The following GNA14 variants were observed in gnomAD, a reference collection of about 807,000 sequenced individuals.
The protein encoded by GNA14 is G protein subunit alpha 14, also known as guanine nucleotide-binding protein subunit alpha-14.
In GNA14, 50 loss-of-function variants were observed where a neutral mutation model predicts 42.0. That is an observed-to-expected ratio of 1.19 (90% CI 0.95 to 1.51). The LOEUF (loss-of-function observed/expected upper bound fraction) is 1.51. Among genes scored for constraint, GNA14 ranks in the 40% most tolerant of loss-of-function variants. The probability of loss-of-function intolerance (pLI) is 0.00; values close to 1 mark genes in which losing one functional copy is unlikely to be tolerated. For synonymous variants in GNA14, 173 were observed against 163.1 expected (o/e 1.06, Z -0.46); for missense variants, 473 against 446.2 (o/e 1.06, Z -0.54).
rs550294968 is a variant in GNA14 at position 77,431,206 on chromosome 9, G to T, written c.593+115C>A. On this transcript the variant is annotated intron_variant, in intron 4 of 6. Transcript: ENST00000341700. ...ATTCTAAATACCCTTGGCAGAGAGG[G>T]TCACTCTGTCCTAAGAGATATAATC... 5.4e-4 allele frequency: 492 copies of T among 914,308 alleles called. 1 individual carries two copies. The highest frequency in any genetic ancestry group is 7.2e-4 in the Non-Finnish European group (439 of 605,622). 56.6% of individuals were successfully genotyped at this position (914,308 alleles called of 1,614,324 possible).
chr9:77,555,641 C>T (rs2131784954), intron 1 of GNA14, among the ~76,000 whole-genome samples: 1 of 152,272 alleles, frequency 6.6e-6, no homozygotes, highest in South Asian at 2.1e-4. Context: ...AACTTTCCTG[C>T]AGGTTTAAAA....
chr9:77,570,085 C>T (rs2440228), intron 1 of GNA14, among the ~76,000 whole-genome samples: 102,578 of 151,972 alleles, frequency 0.67, 34,911 homozygotes, highest in East Asian at 0.84. Context: ...AAAATGTCCA[C>T]ACATTTTAGG....
chr9:77,632,920 C>T (rs949313986), intron 1 of GNA14, among the ~76,000 whole-genome samples: 2 of 152,170 alleles, frequency 1.3e-5, no homozygotes, highest in Non-Finnish European at 2.9e-5. Flanking sequence ...GTGAGCAAAA[C>T]AAGCTCAATG....
At chr9:77,471,904 T>C (rs1836336899) in intron 2 of GNA14, among the ~76,000 whole-genome samples, 1 of 152,176 alleles carries the variant, frequency 6.6e-6, no homozygotes, top group Admixed American at 6.5e-5. Context: ...TAAACAAATA[T>C]ACAAAAGATA....
chr9:77,438,767 C>T (rs956309605), intron 2 of GNA14, among the ~76,000 whole-genome samples: 9 of 147,300 alleles, frequency 6.1e-5, no homozygotes, highest in African/African-American at 2.3e-4. Flanking sequence ...TGTGGGCCAA[C>T]ACACACAGTT....
intron 1 of GNA14, among the ~76,000 whole-genome samples, chr9:77,641,358 C>A (rs931050632): frequency 6.6e-6 from 1 of 151,554 alleles, no homozygotes; most frequent in Non-Finnish European, 1.5e-5. Flanking sequence ...TGTCTCTCCA[C>A]AAAATTATGA....
intron 1 of GNA14, among the ~76,000 whole-genome samples, chr9:77,552,558 TC>T (rs1288930783): frequency 6.6e-6 from 1 of 152,176 alleles, no homozygotes; most frequent in Non-Finnish European, 1.5e-5. Context: ...ACAATTGCAT[TC>T]TGCTCTTTTA....
chr9:77,465,800 T>C (rs935928664), intron 2 of GNA14, among the ~76,000 whole-genome samples: 2 of 151,978 alleles, frequency 1.3e-5, no homozygotes, highest in Admixed American at 1.3e-4. Context: ...ACAGACGGGG[T>C]CTTGCCGTGT....
chr9:77,489,137 G>A (rs576728177), intron 2 of GNA14, among the ~76,000 whole-genome samples: 2 of 151,966 alleles, frequency 1.3e-5, no homozygotes, highest in Non-Finnish European at 2.9e-5. Flanking sequence ...AGAACTGAAA[G>A]ACTCATTAAA....
At chr9:77,608,522 T>A (rs559148566) in intron 1 of GNA14, among the ~76,000 whole-genome samples, 1 of 152,246 alleles carries the variant, frequency 6.6e-6, no homozygotes, top group Admixed American at 6.5e-5. Context: ...GGCAGAGGCA[T>A]CCTGGCCAGC....
chr9:77,428,179 C>T (rs1261757001), intron 5 of GNA14, among the ~76,000 whole-genome samples: 4 of 150,412 alleles, frequency 2.7e-5, no homozygotes, highest in South Asian at 4.2e-4. Flanking sequence ...CCCGGGTTCA[C>T]GCCATTCTCC....
At chr9:77,539,960 T>C (rs566371701) in intron 1 of GNA14, among the ~76,000 whole-genome samples, 5 of 152,312 alleles carry the variant, frequency 3.3e-5, no homozygotes, top group African/African-American at 1.2e-4. Flanking sequence ...CATTGATCTT[T>C]TGTACTTTTT....
chr9:77,428,955 C>A lies in GNA14; in HGVS notation c.675G>T (p.Leu225Phe), dbSNP rs1289251576. 2 of 1,613,880 alleles carry A rather than the reference C, an allele frequency of 1.2e-6. No homozygotes were observed. Among genetic ancestry groups the A allele is most frequent in the Non-Finnish European group, 1.7e-6 (2 of 1,179,930 alleles). The change falls in exon 5 of 7, where the codon TTG becomes TTT. Residue 225 changes from leucine (L) to phenylalanine (F), a missense_variant. Transcript: ENST00000341700. Reference sequence around the variant, plus strand: ...CCTGGTCATATTCACTCAGAGCAACCAAGAAAATAATGGAGGTGACACTCT... The same window carrying A: ...CCTGGTCATATTCACTCAGAGCAACAAAGAAAATAATGGAGGTGACACTCT... Reference protein sequence around the residue: ...CFESVTSIIFLVALSEYDQVL... With the variant: ...CFESVTSIIFFVALSEYDQVL...
chr9:77,452,998 C>A (rs993264449), intron 2 of GNA14, among the ~76,000 whole-genome samples: 1 of 151,780 alleles, frequency 6.6e-6, no homozygotes, highest in African/African-American at 2.4e-5. Context: ...AAGTAACCAG[C>A]CGGGTGGTGT....
intron 1 of GNA14, among the ~76,000 whole-genome samples, chr9:77,632,382 A>T (rs2118008806): frequency 6.6e-6 from 1 of 152,204 alleles, no homozygotes; most frequent in South Asian, 2.1e-4. Context: ...AGTCCCATGG[A>T]CCAGAGTGGG....
At chr9:77,514,751 C>G (rs1233943662) in intron 2 of GNA14, among the ~76,000 whole-genome samples, 2 of 151,844 alleles carry the variant, frequency 1.3e-5, no homozygotes, top group Non-Finnish European at 2.9e-5. Flanking sequence ...GTAGCTGGGA[C>G]TACAGGCGTC....
At chr9:77,486,317 T>A (rs1836659687) in intron 2 of GNA14, among the ~76,000 whole-genome samples, 1 of 152,202 alleles carries the variant, frequency 6.6e-6, no homozygotes, top group African/African-American at 2.4e-5. Flanking sequence ...CTCTCAGCTT[T>A]CATAGAATCG....
At position 77,446,731 on chromosome 9, in the gene GNA14, A is replaced by G. The variant is rs1835824603; in HGVS notation, c.310-12209T>C. Among the ~76,000 whole-genome samples, 3 of 152,226 alleles carry G rather than the reference A, an allele frequency of 2.0e-5. 1 individual carries two copies. The South Asian group carries it at 6.2e-4, about 31-fold the overall frequency. On this transcript the variant is annotated intron_variant, in intron 2 of 6. Coordinates refer to ENST00000341700, the MANE Select transcript of GNA14 (RefSeq NM_004297.4). ...ACCCCCACCAACTTATACTGGATTG[A>G]CACGGATGTGACTACAAAATCAACT...
intron 1 of GNA14, among the ~76,000 whole-genome samples, chr9:77,587,555 G>T (rs1241967258): frequency 6.8e-6 from 1 of 147,450 alleles, no homozygotes; most frequent in Admixed American, 6.6e-5. Flanking sequence ...AGACGCAAAA[G>T]TCACATAAGA....
Sources: allele counts gnomAD v4.1 joint callset (sites outside exome capture counted in the v4.1 genomes callset), GRCh38; gene constraint gnomAD v4.1.1; transcripts MANE v1.5; gene names NCBI Gene and HGNC (gene_info 2026-07-23, HGNC 2026-07-21).